Variants in GUCY1A1 observed in about 807,000 individuals in gnomAD.
The protein encoded by GUCY1A1 is guanylate cyclase 1 soluble subunit alpha 1.
In GUCY1A1, 48 loss-of-function variants were observed where a neutral mutation model predicts 64.5. That is an observed-to-expected ratio of 0.74 (90% confidence interval 0.59 to 0.95). The LOEUF (loss-of-function observed/expected upper bound fraction) is 0.95. Among genes scored for constraint, GUCY1A1 ranks in the 40% least tolerant of loss-of-function variants. GUCY1A1 has a pLI of 0.00. For synonymous variants in GUCY1A1, 308 were observed against 303.4 expected, an observed-to-expected ratio of 1.02 and a Z score of -0.16; for missense variants, 804 against 825.3, an observed-to-expected ratio of 0.97 and a Z score of 0.32.
In GUCY1A1 at chr4:155,722,118, C is replaced by T; in HGVS notation, c.1797C>T (p.Asn599=). ...TGCCCCGTTACTGTCTTTTTGGAAA[C>T]AATGTCACTCTGGCTAACAAATTTG... is the stretch of plus-strand genomic sequence containing the variant. ...VKMPRYCLFG[N]NVTLANKFES... The change falls in exon 9 of 10, where the codon AAC becomes AAT. Residue 599 remains asparagine, a synonymous_variant. Transcript: ENST00000506455. 6.2e-7 allele frequency: 1 copy of T among 1,613,602 alleles called. No homozygotes were observed.
chr4:155,685,161 T>TA (rs1206698940), intron 2 of GUCY1A1, among the ~76,000 whole-genome samples: 1 of 152,124 alleles, frequency 6.6e-6, no homozygotes, highest in Non-Finnish European at 1.5e-5. Context: ...TCTTCTTGTG[T>TA]AAAAAATACT....
At chr4:155,712,463 C>T (rs997436624) in intron 6 of GUCY1A1, among the ~76,000 whole-genome samples, 6 of 152,180 alleles carry the variant, frequency 3.9e-5, no homozygotes, top group Non-Finnish European at 5.9e-5. Flanking sequence ...GCTGCAAGAA[C>T]ACACATGCAC....
rs1265338371 is a variant in GUCY1A1, at chr4:155,736,373, C to T, written c.*6142C>T. The T allele has an allele frequency of 1.3e-5, 2 of 151,850 alleles. No homozygotes were observed. The highest frequency in any genetic ancestry group is 4.8e-5 in the African/African-American group (2 of 41,356). 9.4% of individuals were successfully genotyped at this position (151,850 alleles called of 1,614,324 possible). ...TGGATAAAAGACATAGACTATCACC[C>T]CTCCAAAAATGTGCATATGGCCCCA... On this transcript the variant is annotated 3_prime_UTR_variant, in exon 10 of 10. Coordinates refer to ENST00000506455, the MANE Select transcript of GUCY1A1 (RefSeq NM_001130682.3).
At position 155,696,935 on chromosome 4, in the gene GUCY1A1, G is replaced by A. The variant is rs1371924120; in HGVS notation, c.68G>A (p.Gly23Asp). 5 of 1,613,080 alleles carry A rather than the reference G, an allele frequency of 3.1e-6. No homozygotes were observed. Among genetic ancestry groups the A allele is most frequent in the East Asian group, 2.2e-5 (1 of 44,882 alleles). Residue 23 changes from glycine (G) to aspartate (D), a missense_variant, in exon 3 of 10, where the codon GGT becomes GAT. Coordinates refer to ENST00000506455, the MANE Select transcript of GUCY1A1 (RefSeq NM_001130682.3). Reference sequence around the variant, plus strand: ...TGTCCTTTCTCCTTACTGGCACCAGGTCAAGTTCCTAACGAGTCTTCAGAG... The same window carrying A: ...TGTCCTTTCTCCTTACTGGCACCAGATCAAGTTCCTAACGAGTCTTCAGAG... ...GECPFSLLAPGQVPNESSEEA... is the reference protein window; with the variant it reads ...GECPFSLLAPDQVPNESSEEA...
intron 9 of GUCY1A1, among the ~76,000 whole-genome samples, chr4:155,723,577 C>A (rs1284749188): frequency 6.6e-6 from 1 of 151,994 alleles, no homozygotes; most frequent in Non-Finnish European, 1.5e-5. Flanking sequence ...AGTTAGCTTT[C>A]CTATTCTCAG....
intron 7 of GUCY1A1, among the ~76,000 whole-genome samples, chr4:155,716,406 A>G (rs1400257610): frequency 6.6e-6 from 1 of 152,212 alleles, no homozygotes; most frequent in Non-Finnish European, 1.5e-5. Context: ...CTGGACTAAA[A>G]TTAACTATCT....
chr4:155,731,285 T>C lies in GUCY1A1; in HGVS notation c.*1054T>C, dbSNP rs1258131546. 6.6e-6 allele frequency: 1 copy of C among 151,888 alleles called. No individual in the cohort carries two copies. The highest frequency in any genetic ancestry group is 1.9e-4 in the East Asian group (1 of 5,164). The allele number at this position is 151,888 out of a possible 1,614,324, so 9.4% of individuals were successfully genotyped here. ...TGGAAGTAGAAAATAAGACTTGTTC[T>C]TTTGGTGGATATCTCATTTTTCTTG... On this transcript the variant is annotated 3_prime_UTR_variant, in exon 10 of 10. Transcript: ENST00000506455.
intron 2 of GUCY1A1, among the ~76,000 whole-genome samples, chr4:155,687,327 G>A (rs1034186336): frequency 5.3e-5 from 8 of 152,196 alleles, no homozygotes; most frequent in African/African-American, 1.2e-4. Flanking sequence ...CACAGCTTTC[G>A]TAAGGCAAGT....
intron 2 of GUCY1A1, among the ~76,000 whole-genome samples, chr4:155,683,641 C>A (rs976943072): frequency 6.6e-6 from 1 of 151,970 alleles, no homozygotes; most frequent in African/African-American, 2.4e-5. Flanking sequence ...CAAGAAAGTG[C>A]AAAAGAAGAT....
intron 2 of GUCY1A1, among the ~76,000 whole-genome samples, chr4:155,692,053 T>A (rs1321358531): frequency 6.6e-6 from 1 of 152,156 alleles, no homozygotes; most frequent in Non-Finnish European, 1.5e-5. Flanking sequence ...GTGTTTGGTT[T>A]TCTGTTCCTG....
At position 155,736,307 on chromosome 4, in the gene GUCY1A1, A is replaced by G. The variant is rs373505352; in HGVS notation, c.*6076A>G. On this transcript the variant is annotated 3_prime_UTR_variant, in exon 10 of 10. Transcript: ENST00000506455. ...TTTATATTTTACTTGGGAAACTGCT[A>G]CAGTTGGCTAGTGGGTCTTCACTTT... 2.0e-5 allele frequency: 3 copies of G among 151,934 alleles called. No individual in the cohort carries two copies. The highest frequency in any genetic ancestry group is 7.2e-5 in the African/African-American group (3 of 41,402). 9.4% of individuals were successfully genotyped at this position (151,934 alleles called of 1,614,324 possible).
intron 2 of GUCY1A1, chr4:155,668,287 A>C (rs1733638856): frequency 6.6e-6 from 1 of 152,162 alleles, no homozygotes. Context: ...TTCATTTTGC[A>C]CTCGATAAAC....
chr4:155,705,123 C>T (rs1731566098), intron 4 of GUCY1A1, among the ~76,000 whole-genome samples: 1 of 152,220 alleles, frequency 6.6e-6, no homozygotes, highest in African/African-American at 2.4e-5. Context: ...AACTCATGAG[C>T]TCAAGCATTC....
chr4:155,697,448 A>G (rs1730564393), intron 3 of GUCY1A1, among the ~76,000 whole-genome samples: 2 of 152,204 alleles, frequency 1.3e-5, no homozygotes, highest in Non-Finnish European at 2.9e-5. Flanking sequence ...CACCTTCTAC[A>G]GTTTTAATGA....
intron 9 of GUCY1A1, among the ~76,000 whole-genome samples, chr4:155,728,840 G>A (rs752163491): frequency 5.9e-5 from 9 of 151,812 alleles, no homozygotes; most frequent in Non-Finnish European, 1.2e-4. Context: ...ATGGACATCT[G>A]TGCTGCTAGA....
At chr4:155,696,095 A>G (rs942181693) in intron 2 of GUCY1A1, among the ~76,000 whole-genome samples, 3 of 152,154 alleles carry the variant, frequency 2.0e-5, no homozygotes, top group South Asian at 4.1e-4. Flanking sequence ...TGCAAATCCC[A>G]TGGTATGTTC....
Position 155,690,253 on chromosome 4 carries a change from G to A in GUCY1A1, c.-112-6503G>A, listed in dbSNP as rs541958742. ...TATTGAGAAGTAAAGTCAGAGGAATGTGTCTTCCCTCTGCTTTGGTCCCCA... is the reference window on the plus strand; with the variant it reads ...TATTGAGAAGTAAAGTCAGAGGAATATGTCTTCCCTCTGCTTTGGTCCCCA... On this transcript the variant is annotated intron_variant, in intron 2 of 9. Transcript: ENST00000506455. Among the ~76,000 whole-genome samples the A allele has an allele frequency of 2.0e-5, 3 of 152,236 alleles. No individual in the cohort carries two copies. The South Asian group carries it at 6.2e-4, about 32-fold the overall frequency.
chr4:155,684,784 G>C (rs1336778936), intron 2 of GUCY1A1, among the ~76,000 whole-genome samples: 5 of 152,128 alleles, frequency 3.3e-5, no homozygotes, highest in Non-Finnish European at 7.3e-5. Context: ...CCTAAAACTA[G>C]AGAGGCTCAA....
intron 2 of GUCY1A1, among the ~76,000 whole-genome samples, chr4:155,693,431 C>G (rs1166012357): frequency 2.0e-5 from 3 of 152,100 alleles, no homozygotes; most frequent in Non-Finnish European, 4.4e-5. Flanking sequence ...CTGACCAAAC[C>G]ATTTCTGAAG....
Sources: gnomAD v4.1 joint callset for allele counts (sites outside exome capture counted in the v4.1 genomes callset) on GRCh38, gnomAD v4.1.1 for gene constraint, MANE v1.5 for transcripts, NCBI Gene and HGNC (gene_info 2026-07-23, HGNC 2026-07-21) for gene names.